The following CAST variants were observed in gnomAD, a reference collection of about 807,000 sequenced individuals.
The protein encoded by CAST is calpastatin.
A neutral mutation model predicts 119.6 loss-of-function variants in CAST; 76 were observed. The ratio of observed to expected loss-of-function variants is 0.64; its 90% CI spans 0.53 to 0.77. The LOEUF (loss-of-function observed/expected upper bound fraction) is 0.77. Ranked by LOEUF, CAST falls within the 30% of genes least tolerant of loss-of-function variation. CAST has a pLI of 0.00. For synonymous variants in CAST, 319 were observed against 331.6 expected (o/e 0.96, Z 0.41); for missense variants, 953 against 946.5 (o/e 1.01, Z -0.09).
the CAST span, among the ~76,000 whole-genome samples, chr5:96,417,233 A>G: frequency 6.6e-6 from 1 of 152,208 alleles, no homozygotes; most frequent in African/African-American, 2.4e-5. Flanking sequence ...TTCCTGAAGT[A>G]GCAAAGATGA....
chr5:96,392,007 C>T, the CAST span: 10 of 152,100 alleles, frequency 6.6e-5, no homozygotes, highest in East Asian at 3.8e-4. Flanking sequence ...ACTTAGAACA[C>T]GCTGTTCTAA....
At chr5:96,512,906 A>G in the CAST span, among the ~76,000 whole-genome samples, 1 of 152,232 alleles carries the variant, frequency 6.6e-6, no homozygotes, top group African/African-American at 2.4e-5. Context: ...AACATGTAGC[A>G]GATGAGTAAT....
chr5:96,397,998 C>A, the CAST span, among the ~76,000 whole-genome samples: 8 of 151,948 alleles, frequency 5.3e-5, no homozygotes, highest in African/African-American at 1.7e-4. Context: ...TTAACAATCT[C>A]TTATATTAAA....
chr5:96,236,095 A>ATCTG, the CAST span, among the ~76,000 whole-genome samples: 108,383 of 151,052 alleles, frequency 0.72, 39,195 homozygotes, highest in East Asian at 0.88. Context: ...CTGTCTGTCT[A>ATCTG]TCTGTCTGTC....
chr5:96,086,615 A>T, the CAST span, among the ~76,000 whole-genome samples: 1 of 152,312 alleles, frequency 6.6e-6, no homozygotes, highest in East Asian at 1.9e-4. Flanking sequence ...TGAGTTAATA[A>T]AAACTGTCCA....
the CAST span, among the ~76,000 whole-genome samples, chr5:96,030,495 G>A: frequency 2.6e-5 from 4 of 152,152 alleles, no homozygotes; most frequent in African/African-American, 9.6e-5. Flanking sequence ...CCTCATTTAG[G>A]TTAATGACTG....
chr5:96,339,916 C>T, the CAST span, among the ~76,000 whole-genome samples: 11 of 152,264 alleles, frequency 7.2e-5, no homozygotes, highest in South Asian at 2.3e-3. Flanking sequence ...GACAGGTAGA[C>T]AGGCTATAGG....
chr5:96,182,255 G>A, the CAST span, among the ~76,000 whole-genome samples: 1 of 152,184 alleles, frequency 6.6e-6, no homozygotes, highest in Non-Finnish European at 1.5e-5. Flanking sequence ...CCCGTTTGAT[G>A]TCTGTGGGGC....
chr5:96,425,728 T>TAAA, the CAST span: 3 of 655,138 alleles, frequency 4.6e-6, no homozygotes, highest in Non-Finnish European at 5.4e-6. Flanking sequence ...TTCTCCATCA[T>TAAA]AAAAAAAAAA....
chr5:96,552,788 G>A (rs1264780327), intron 1 of CAST, among the ~76,000 whole-genome samples: 1 of 152,118 alleles, frequency 6.6e-6, no homozygotes, highest in East Asian at 1.9e-4. Flanking sequence ...ACACCTCTAT[G>A]CAAATAAACT....
chr5:96,331,891 G>A, the CAST span, among the ~76,000 whole-genome samples: 1 of 152,210 alleles, frequency 6.6e-6, no homozygotes, highest in African/African-American at 2.4e-5. Flanking sequence ...GAGGAAAGAT[G>A]GGGATATAAT....
At chr5:96,619,251 G>A (rs867447943) in intron 1 of CAST, among the ~76,000 whole-genome samples, 5 of 151,520 alleles carry the variant, frequency 3.3e-5, no homozygotes, top group Non-Finnish European at 7.4e-5. Context: ...AGCTAATCTA[G>A]TGGGGATTTG....
chr5:96,213,038 C>T, the CAST span, among the ~76,000 whole-genome samples: 1 of 152,050 alleles, frequency 6.6e-6, no homozygotes, highest in African/African-American at 2.4e-5. Flanking sequence ...AGGATTGCTT[C>T]AGGCCAGGAG....
chr5:96,066,018 G>T, the CAST span, among the ~76,000 whole-genome samples: 1 of 152,168 alleles, frequency 6.6e-6, no homozygotes, highest in Non-Finnish European at 1.5e-5. Context: ...GAACAGACTA[G>T]AACACTCCCA....
the CAST span, among the ~76,000 whole-genome samples, chr5:96,083,098 A>C: frequency 6.6e-6 from 1 of 152,218 alleles, no homozygotes. Context: ...TGGGAGAAGA[A>C]ATTTTTGGAG....
the CAST span, among the ~76,000 whole-genome samples, chr5:96,383,073 G>A: frequency 2.4e-3 from 369 of 152,182 alleles, 2 homozygotes; most frequent in South Asian, 0.016. Context: ...TTCCGTTCGG[G>A]GAGACAGCTA....
chr5:96,739,920 G>A lies in CAST; in HGVS notation c.799-118G>A, dbSNP rs773968645. 25 of 614,812 alleles carry A rather than the reference G, an allele frequency of 4.1e-5. 1 individual carries two copies. The highest frequency in any genetic ancestry group is 2.1e-4 in the Admixed American group (6 of 28,124). The allele number at this position is 614,812 out of a possible 1,614,324, so 38.1% of individuals were successfully genotyped here. A position where few individuals can be genotyped will look rare whatever the true frequency, so the allele number is the denominator to read the frequency against. ...AGTGTTGGCTTCTTAATGATTTATC[G>A]TTCATCTCAGTACTTCCATAAATTA... On this transcript the variant is annotated intron_variant, in intron 11 of 31. Transcript: ENST00000675179.
At chr5:96,192,968 A>C in the CAST span, among the ~76,000 whole-genome samples, 3 of 152,114 alleles carry the variant, frequency 2.0e-5, no homozygotes, top group Non-Finnish European at 4.4e-5. Flanking sequence ...AACATAGTAC[A>C]TTGTAGCCTA....
At chr5:96,711,165 G>C (rs986862904) in intron 3 of CAST, among the ~76,000 whole-genome samples, 1 of 152,094 alleles carries the variant, frequency 6.6e-6, no homozygotes, top group Non-Finnish European at 1.5e-5. Context: ...TAAAATCTTT[G>C]TGAAATACCA....
Sources: gnomAD v4.1 joint callset for allele counts (sites outside exome capture counted in the v4.1 genomes callset) on GRCh38, gnomAD v4.1.1 for gene constraint, MANE v1.5 for transcripts, NCBI Gene and HGNC (gene_info 2026-07-23, HGNC 2026-07-21) for gene names.